USH1C: variants seen among roughly 807,000 people sequenced by gnomAD.
USH1C encodes the protein harmonin.
Under a neutral mutation model 119.3 loss-of-function variants are expected in USH1C, and 90 were observed. The ratio of observed to expected loss-of-function variants is 0.75; its 90% CI spans 0.64 to 0.90. The LOEUF (loss-of-function observed/expected upper bound fraction) is 0.90, where lower values mean the gene tolerates loss of function less well. Ranked by LOEUF, USH1C falls within the 40% of genes least tolerant of loss-of-function variation. The probability of loss-of-function intolerance (pLI) is 0.00; values close to 1 mark genes in which losing one functional copy is unlikely to be tolerated. For missense variants in USH1C, 1,165 were observed against 1,167.7 expected (o/e 1.00, Z 0.03); for synonymous variants, 465 against 443.3 (o/e 1.05, Z -0.62).
At position 17,531,460 on chromosome 11, in the gene USH1C, G is replaced by A. The variant is rs375741564; in HGVS notation, c.187C>T (p.Arg63Trp). Residue 63 changes from arginine (R) to tryptophan (W), a missense_variant, in exon 3 of 27, where the codon CGG becomes TGG. Transcript: ENST00000005226. The surrounding 1 kb of genome is among the most constrained non-coding windows in gnomAD (Gnocchi z 4.2). The stretch of plus-strand genomic sequence containing the variant: ...TGGTGCTTCAGTGGGATCAGCGGCC[G>A]AATGGCATCAAACAGAGGCAGACGG... ...PSRLPLFDAIRPLIPLKHQVE... is the reference protein window; with the variant it reads ...PSRLPLFDAIWPLIPLKHQVE... 1.1e-5 allele frequency: 17 copies of A among 1,613,956 alleles called. No individual in the cohort carries two copies. Among genetic ancestry groups the A allele is most frequent in the African/African-American group, 6.7e-5 (5 of 74,910 alleles).
chr11:17,533,202 C>T, intron 2 of USH1C, 53 bp downstream of exon 2: 1 of 1,440,624 alleles, frequency 6.9e-7, no homozygotes, highest in Non-Finnish European at 9.8e-7. Flanking sequence ...CCAGGGCTCC[C>T]TGAAGACAAA....
Position 17,521,393 on chromosome 11 carries a change from G to A in USH1C, c.1038C>T (p.Ala346=), listed in dbSNP as rs1025053737. The stretch of plus-strand genomic sequence containing the variant: ...TCTCATTTTCCTCTGCTGCCTTCTG[G>A]GCAATTTCTTTTCTCCTTCTGAAAC... The part of the protein sequence containing the change: ...EMERQRRKEI[A]QKAAEENERY... Residue 346 remains alanine (A), a synonymous_variant, in exon 13 of 27, where the codon GCC becomes GCT. Coordinates refer to ENST00000005226, the MANE Select transcript of USH1C (RefSeq NM_153676.4). 2 of 1,614,044 alleles carry A rather than the reference G, an allele frequency of 1.2e-6. No individual in the cohort carries two copies. The highest frequency in any genetic ancestry group is 2.7e-5 in the African/African-American group (2 of 74,996).
intron 8 of USH1C, 121 bp downstream of exon 8, chr11:17,526,225 TG>T: frequency 1.2e-6 from 1 of 800,038 alleles, no homozygotes; most frequent in Non-Finnish European, 2.1e-6. Flanking sequence ...TCATCACCCA[TG>T]GACAGTCACA....
chr11:17,521,483 T>C, intron 12 of USH1C, 72 bp from the exon 13 acceptor site: 1 of 1,534,574 alleles, frequency 6.5e-7, no homozygotes, highest in Non-Finnish European at 9.0e-7. Flanking sequence ...CTGTGAATTC[T>C]TGATTTGGAG....
intron 1 of USH1C, among the ~76,000 whole-genome samples, chr11:17,541,157 C>A (rs1431982842): frequency 6.6e-6 from 1 of 152,184 alleles, no homozygotes; most frequent in South Asian, 2.1e-4. Context: ...GAGAGGCCTT[C>A]GTGACTGCCT....
intron 1 of USH1C, chr11:17,533,983 T>A (rs955322940): frequency 1.1e-5 from 3 of 279,982 alleles, no homozygotes; most frequent in Non-Finnish European, 2.2e-5. Flanking sequence ...TTTGTTGACG[T>A]CAATGGCTGG....
chr11:17,505,404 G>C (rs1405632118), intron 19 of USH1C, among the ~76,000 whole-genome samples: 1 of 152,258 alleles, frequency 6.6e-6, no homozygotes, highest in Non-Finnish European at 1.5e-5. Context: ...ATGAGGGTAA[G>C]TATTAAGTCC....
At chr11:17,524,299 A>G (rs1850558344) in intron 9 of USH1C, 152 bp downstream of exon 9, 1 of 812,660 alleles carries the variant, frequency 1.2e-6, no homozygotes, top group Admixed American at 2.1e-5. Context: ...CCAGTCTGTG[A>G]AGCCTTCTCT....
chr11:17,502,013 A>G (rs1849466294), intron 20 of USH1C, 33 bp from the exon 21 acceptor site: 3 of 1,611,362 alleles, frequency 1.9e-6, no homozygotes, highest in Admixed American at 1.7e-5. Flanking sequence ...AGGGCAACAC[A>G]GCAGAGGGTC....
intron 17 of USH1C, 71 bp from the exon 18 acceptor site, chr11:17,509,909 C>G: frequency 6.0e-6 from 9 of 1,505,158 alleles, no homozygotes; most frequent in Non-Finnish European, 8.0e-6. Context: ...ACAGCGAGCA[C>G]TATGCTCTTC....
chr11:17,534,771 G>C (rs1401117156), intron 1 of USH1C, among the ~76,000 whole-genome samples: 1 of 151,986 alleles, frequency 6.6e-6, no homozygotes, highest in Non-Finnish European at 1.5e-5. Context: ...CTACTTAGGA[G>C]GCTGAGGCAG....
At chr11:17,494,548 C>T in intron 26 of USH1C, 172 bp from the exon 27 acceptor site, 1 of 709,468 alleles carries the variant, frequency 1.4e-6, no homozygotes, top group Non-Finnish European at 2.5e-6. Flanking sequence ...CCAGCCACAG[C>T]CACAGCACAC....
rs1042492923 is a variant in USH1C, at chr11:17,544,370, A to G, written c.-63T>C. The G allele has an allele frequency of 9.3e-6, 15 of 1,611,180 alleles. No homozygotes were observed. The highest frequency in any genetic ancestry group is 3.3e-4 in the Middle Eastern group (2 of 6,018). ...TTCCTTCGGGTGCCCGGCTGCCAGG[A>G]GCTGGAAAGAGCCGCGACCGCGACC... On this transcript the variant is annotated 5_prime_UTR_variant, in exon 1 of 27. Coordinates refer to ENST00000005226, the MANE Select transcript of USH1C (RefSeq NM_153676.4).
chr11:17,516,771 A>C (rs1265870797), intron 14 of USH1C: 3 of 267,288 alleles, frequency 1.1e-5, no homozygotes, highest in African/African-American at 6.6e-5. Flanking sequence ...GGCTTGTCTC[A>C]TAGTGCAGGT....
intron 22 of USH1C, 94 bp downstream of exon 22, chr11:17,501,388 A>C: frequency 6.9e-7 from 1 of 1,442,726 alleles, no homozygotes; most frequent in Non-Finnish European, 9.6e-7. Flanking sequence ...GAGACCACCC[A>C]GGAGTGACCT....
chr11:17,525,104 C>T (rs79175882), intron 8 of USH1C, among the ~76,000 whole-genome samples: 3,846 of 152,130 alleles, frequency 0.025, 169 homozygotes, highest in African/African-American at 0.087. Flanking sequence ...GTTAGTATTC[C>T]TTCCTAGATT....
Position 17,540,621 on chromosome 11 carries a change from C to T in USH1C, c.36+3651G>A, listed in dbSNP as rs57428670. Among the ~76,000 whole-genome samples, 736 of 152,288 alleles carry T rather than the reference C, an allele frequency of 4.8e-3. 8 individuals carry two copies. Among genetic ancestry groups the T allele is most frequent in the African/African-American group, 0.016 (676 of 41,578 alleles). On this transcript the variant is annotated intron_variant, in intron 1 of 26. Transcript: ENST00000005226. ...GCTAGGTTTCCACCACCTCCTGCTC[C>T]GTCTCCACCAACCTGCTCCGTCTCC...
At position 17,531,368 on chromosome 11, in the gene USH1C, C is replaced by A. The variant is rs375578968; in HGVS notation, c.248+31G>T. On this transcript the variant is annotated intron_variant, in intron 3 of 26. Transcript: ENST00000005226. This position sits in a 1 kb window ranked among gnomAD's most constrained non-coding sequence, Gnocchi z 4.2. ...CCCGCCCAGGGTGATCTCTCCACCCCCTGCCTCCAGCCTGGTGGCTTCCTC... is the reference window on the plus strand; with the variant it reads ...CCCGCCCAGGGTGATCTCTCCACCCACTGCCTCCAGCCTGGTGGCTTCCTC... 43 of 1,613,792 alleles carry A rather than the reference C, an allele frequency of 2.7e-5. No individual in the cohort carries two copies. The African/African-American group carries it at 4.5e-4, about 17-fold the overall frequency.
chr11:17,512,027 A>T lies in USH1C; in HGVS notation c.1288T>A (p.Tyr430Asn). The T allele has an allele frequency of 6.2e-7, 1 of 1,614,118 alleles. No homozygotes were observed. Among genetic ancestry groups the T allele is most frequent in the Non-Finnish European group, 8.5e-7 (1 of 1,180,018 alleles). ...TTTCTCAAGTCCTGCAGGCTGCCAT[A>T]CTTGGCTTTCTTCTTATCTTTTCCT... ...KKGKDKKKAKYGSLQDLRKNK... is the reference protein window; with the variant it reads ...KKGKDKKKAKNGSLQDLRKNK... The change falls in exon 16 of 27, where the codon TAT (tyrosine) becomes AAT (asparagine). Residue 430 changes from tyrosine to asparagine, a missense_variant. Coordinates refer to ENST00000005226, the MANE Select transcript of USH1C (RefSeq NM_153676.4).
Sources: gnomAD v4.1 joint callset for allele counts (sites outside exome capture counted in the v4.1 genomes callset) on GRCh38, gnomAD v4.1.1 for gene constraint, Gnocchi (gnomAD v3.1) non-coding constraint, MANE v1.5 for transcripts, NCBI Gene and HGNC (gene_info 2026-07-23, HGNC 2026-07-21) for gene names.